Variants in ME1 observed in about 807,000 individuals in gnomAD.
ME1 encodes malic enzyme 1.
A neutral mutation model predicts 66.4 loss-of-function variants in ME1; 74 were observed. The ratio of observed to expected loss-of-function variants is 1.11; its 90% confidence interval spans 0.92 to 1.35. The LOEUF is 1.35. ME1 is among the 40% of genes most tolerant of loss of function. The pLI is 0.00. For missense variants in ME1, 750 were observed against 694.1 expected (o/e 1.08, Z -0.90); for synonymous variants, 251 against 235.6 (o/e 1.07, Z -0.60).
intron 3 of ME1, chr6:83,393,257 C>A: frequency 8.6e-7 from 1 of 1,164,036 alleles, no homozygotes; most frequent in Non-Finnish European, 1.3e-6. Context: ...TCTCCTCCAA[C>A]TTCAACAGAC....
intron 7 of ME1, among the ~76,000 whole-genome samples, chr6:83,247,026 A>G (rs964986182): frequency 3.3e-5 from 5 of 152,128 alleles, no homozygotes; most frequent in Admixed American, 3.3e-4. Context: ...ACCATGTCTG[A>G]TTTTGATCTT....
At chr6:83,341,278 C>G (rs2128543112) in intron 5 of ME1, among the ~76,000 whole-genome samples, 1 of 152,308 alleles carries the variant, frequency 6.6e-6, no homozygotes, top group East Asian at 1.9e-4. Flanking sequence ...TGGGACTCTT[C>G]TAGACTCTTC....
chr6:83,292,372 G>A (rs1007443224), intron 6 of ME1, among the ~76,000 whole-genome samples: 2 of 152,152 alleles, frequency 1.3e-5, no homozygotes, highest in African/African-American at 4.8e-5. Context: ...CTAACAGACA[G>A]GCCCCTCAGC....
intron 12 of ME1, among the ~76,000 whole-genome samples, chr6:83,221,775 C>CA (rs1279093559): frequency 1.3e-5 from 2 of 151,106 alleles, no homozygotes; most frequent in African/African-American, 4.9e-5. Context: ...AAACTGGTAA[C>CA]AAAAAATGAA....
chr6:83,297,711 T>G (rs1347155818), intron 6 of ME1, among the ~76,000 whole-genome samples: 2 of 152,180 alleles, frequency 1.3e-5, no homozygotes, highest in African/African-American at 4.8e-5. Flanking sequence ...AAGCCCCGCA[T>G]GCATTAGCTA....
intron 6 of ME1, among the ~76,000 whole-genome samples, chr6:83,291,031 T>C (rs1767492261): frequency 6.6e-6 from 1 of 152,110 alleles, no homozygotes; most frequent in Non-Finnish European, 1.5e-5. Context: ...GTGAGATGAG[T>C]CTCCTCAATA....
chr6:83,412,680 T>C (rs1023960574), intron 1 of ME1, among the ~76,000 whole-genome samples: 1 of 152,060 alleles, frequency 6.6e-6, no homozygotes, highest in Non-Finnish European at 1.5e-5. Flanking sequence ...AACAAAACTA[T>C]TGATACACAA....
In ME1 at chr6:83,350,477, T is replaced by G. The variant is rs566437521; in HGVS notation, c.438+1587A>C. On this transcript the variant is annotated intron_variant, in intron 4 of 13. Coordinates refer to ENST00000369705, the MANE Select transcript of ME1 (RefSeq NM_002395.6). ...CTTGTTAATTCTTGTTTGTTTGTTT[T>G]TTTTCTGAGACAGGGTCTCACTCTG... Among the ~76,000 whole-genome samples the G allele has an allele frequency of 3.9e-5, 6 of 152,284 alleles. No individual in the cohort carries two copies. In the South Asian group the frequency reaches 6.2e-4, roughly 16 times the overall value.
chr6:83,227,393 AAAGC>A lies in ME1; in HGVS notation c.1213_1216del (p.Ala405Ter). 1.2e-6 allele frequency: 2 copies of A among 1,607,510 alleles called. No individual in the cohort carries two copies. Among genetic ancestry groups the A allele is most frequent in the Non-Finnish European group, 1.7e-6 (2 of 1,175,678 alleles). ...TTCTGCTTTGCTAGTTGGATTACTCAAAGCAAAAATAATAGGCCGTTCATTGAAG... is the reference window on the plus strand; with the variant it reads ...TTCTGCTTTGCTAGTTGGATTACTCAAAAAATAATAGGCCGTTCATTGAAG... On this transcript the variant is annotated frameshift_variant, in exon 11 of 14. Transcript: ENST00000369705. LOFTEE classifies it high-confidence loss of function.
chr6:83,332,893 A>G (rs1768442269), intron 5 of ME1, among the ~76,000 whole-genome samples: 1 of 152,202 alleles, frequency 6.6e-6, no homozygotes, highest in East Asian at 1.9e-4. Flanking sequence ...TTGTACCCTT[A>G]AGGCTATTAA....
intron 5 of ME1, among the ~76,000 whole-genome samples, chr6:83,319,377 G>A (rs368852766): frequency 7.4e-4 from 113 of 151,892 alleles, no homozygotes; most frequent in African/African-American, 2.4e-3. Flanking sequence ...AACTGGTCCC[G>A]CATCACTCTG....
Position 83,407,804 on chromosome 6 carries a change from A to C in ME1, c.176T>G (p.Val59Gly). Residue 59 changes from valine (V) to glycine (G), a missense_variant, in exon 2 of 14, where the codon GTA (valine) becomes GGA (glycine). Val to Gly is a moderately radical substitution (Grantham distance 109, BLOSUM62 -3). Coordinates refer to ENST00000369705, the MANE Select transcript of ME1 (RefSeq NM_002395.6). ...NSQEIQVLRV[V>G]KNFEHLNSDF... ...AGAGTTCAGATGCTCGAAATTTTTTACTACTCTAAGAACCTGGATCTCCTG... is the reference window on the plus strand; with the variant it reads ...AGAGTTCAGATGCTCGAAATTTTTTCCTACTCTAAGAACCTGGATCTCCTG... The C allele has an allele frequency of 1.9e-6, 3 of 1,608,786 alleles. No individual in the cohort carries two copies. The highest frequency in any genetic ancestry group is 2.5e-6 in the Non-Finnish European group (3 of 1,178,766).
intron 12 of ME1, among the ~76,000 whole-genome samples, chr6:83,218,012 T>G (rs940154372): frequency 2.6e-5 from 4 of 152,210 alleles, no homozygotes; most frequent in African/African-American, 9.6e-5. Context: ...CAAAATATTA[T>G]AACATATAAT....
chr6:83,393,233 T>C (rs1278168401), intron 3 of ME1: 1 of 1,139,134 alleles, frequency 8.8e-7, no homozygotes, highest in Non-Finnish European at 1.3e-6. Context: ...TGGGCTACTC[T>C]GAGCACCAGG....
chr6:83,261,875 G>A (rs566591667), intron 6 of ME1, among the ~76,000 whole-genome samples: 5 of 151,920 alleles, frequency 3.3e-5, no homozygotes, highest in South Asian at 2.1e-4. Flanking sequence ...TTAGCTAGGC[G>A]TGGTGGCAGG....
At position 83,237,770 on chromosome 6, in the gene ME1, C is replaced by G. The variant is rs1790443452; in HGVS notation, c.973G>C (p.Glu325Gln). ...MALEKEGLPKEKAIKKIWLVD... is the reference protein window; with the variant it reads ...MALEKEGLPKQKAIKKIWLVD... ...AGCCATATCTTTTTGATGGCTTTCT[C>G]TTTTGGTAAACCTTCTTTTTCCAAG... is the stretch of plus-strand genomic sequence containing the variant. The change falls in exon 9 of 14, where the codon GAG becomes CAG. Residue 325 changes from glutamate to glutamine, a missense_variant. Glu to Gln is a conservative substitution (Grantham distance 29). Coordinates refer to ENST00000369705, the MANE Select transcript of ME1 (RefSeq NM_002395.6). The G allele has an allele frequency of 6.2e-7, 1 of 1,609,332 alleles. No individual in the cohort carries two copies. Among genetic ancestry groups the G allele is most frequent in the Admixed American group, 1.7e-5 (1 of 59,504 alleles).
intron 6 of ME1, among the ~76,000 whole-genome samples, chr6:83,264,483 T>C (rs1305442124): frequency 3.9e-5 from 6 of 152,228 alleles, no homozygotes; most frequent in Admixed American, 1.3e-4. Context: ...ATTCCTCTTA[T>C]GAATTTGGGC....
At chr6:83,352,995 C>T (rs1408040093) in intron 3 of ME1, among the ~76,000 whole-genome samples, 1 of 152,182 alleles carries the variant, frequency 6.6e-6, no homozygotes, top group African/African-American at 2.4e-5. Context: ...CCACTATCCT[C>T]ACTTTTATGG....
intron 11 of ME1, among the ~76,000 whole-genome samples, chr6:83,226,245 A>T (rs1010300471): frequency 2.6e-5 from 4 of 152,212 alleles, no homozygotes; most frequent in Non-Finnish European, 5.9e-5. Context: ...TATCAGACAC[A>T]TTCAAAGTTT....
Sources: allele counts gnomAD v4.1 joint callset (sites outside exome capture counted in the v4.1 genomes callset), GRCh38; gene constraint gnomAD v4.1.1; transcripts MANE v1.5; gene names NCBI Gene and HGNC (gene_info 2026-07-23, HGNC 2026-07-21).